Variants in ATRNL1 observed in about 807,000 individuals in gnomAD.
ATRNL1 encodes the protein attractin-like protein 1.
In ATRNL1, 95 loss-of-function variants were observed where a neutral mutation model predicts 182.7. The observed-to-expected ratio is 0.52, with a 90% CI of 0.44 to 0.62. The LOEUF (loss-of-function observed/expected upper bound fraction) is 0.62, where lower values mean the gene tolerates loss of function less well. Among genes scored for constraint, ATRNL1 ranks in the 20% least tolerant of loss-of-function variants. ATRNL1 has a pLI of 0.00. For missense variants in ATRNL1, 1,471 were observed against 1,679.5 expected (o/e 0.88, Z 2.17); for synonymous variants, 576 against 568.3 (o/e 1.01, Z -0.19).
chr10:115,637,167 C>G (rs55893753), intron 26 of ATRNL1, among the ~76,000 whole-genome samples: 3,414 of 152,258 alleles, frequency 0.022, 118 homozygotes, highest in African/African-American at 0.078. Context: ...TGAAAATTAA[C>G]TGACCATATC....
chr10:115,883,305 A>G (rs1362127389), intron 28 of ATRNL1, among the ~76,000 whole-genome samples: 2 of 152,290 alleles, frequency 1.3e-5, no homozygotes, highest in Admixed American at 1.3e-4. Flanking sequence ...ACTCTCTTCT[A>G]TTAGGAAAAC....
intron 26 of ATRNL1, among the ~76,000 whole-genome samples, chr10:115,627,083 C>T (rs1321512963): frequency 3.9e-5 from 6 of 152,056 alleles, no homozygotes; most frequent in Non-Finnish European, 7.4e-5. Context: ...TTAAACAGCC[C>T]GGTGTCACTT....
At chr10:115,910,958 A>G (rs1952657444) in intron 28 of ATRNL1, among the ~76,000 whole-genome samples, 3 of 152,112 alleles carry the variant, frequency 2.0e-5, no homozygotes, top group African/African-American at 7.2e-5. Flanking sequence ...ATCTCAGTGG[A>G]TCTTGGCAAC....
chr10:115,288,387 A>AT (rs1852730044), intron 15 of ATRNL1, among the ~76,000 whole-genome samples: 1 of 151,720 alleles, frequency 6.6e-6, no homozygotes, highest in African/African-American at 2.4e-5. Context: ...CCTCACCAGT[A>AT]TTTTTTGACT....
At chr10:115,621,865 T>A (rs1291822459) in intron 26 of ATRNL1, among the ~76,000 whole-genome samples, 1 of 152,174 alleles carries the variant, frequency 6.6e-6, no homozygotes, top group Non-Finnish European at 1.5e-5. Context: ...AAAAGTCTTT[T>A]GTCTTCATAA....
At chr10:115,553,243 T>G (rs782342228) in intron 26 of ATRNL1, among the ~76,000 whole-genome samples, 3 of 151,288 alleles carry the variant, frequency 2.0e-5, no homozygotes, top group Non-Finnish European at 4.5e-5. Flanking sequence ...TGTTTAAATG[T>G]AGCATGTCTC....
intron 27 of ATRNL1, among the ~76,000 whole-genome samples, chr10:115,780,787 G>T (rs190316952): frequency 3.3e-5 from 5 of 152,132 alleles, no homozygotes; most frequent in Non-Finnish European, 5.9e-5. Context: ...GCGTCTTTGG[G>T]CCCTTAAAAA....
At chr10:115,848,047 G>A in intron 28 of ATRNL1, 56 bp downstream of exon 28, 1 of 948,620 alleles carries the variant, frequency 1.1e-6, no homozygotes, top group Non-Finnish European at 1.7e-6. Context: ...CTGAACAGAA[G>A]AAATAAACAA....
At chr10:115,138,020 A>C (rs1043325022) in intron 5 of ATRNL1, among the ~76,000 whole-genome samples, 2 of 152,232 alleles carry the variant, frequency 1.3e-5, no homozygotes, top group African/African-American at 4.8e-5. Context: ...TGGCAAAGCA[A>C]AGGGGCCACA....
intron 27 of ATRNL1, among the ~76,000 whole-genome samples, chr10:115,815,702 G>A (rs1280495465): frequency 6.6e-6 from 1 of 151,976 alleles, no homozygotes; most frequent in Non-Finnish European, 1.5e-5. Flanking sequence ...TGTAACAAAA[G>A]TATATGTATC....
chr10:115,691,447 C>T (rs182325779), intron 26 of ATRNL1, among the ~76,000 whole-genome samples: 9 of 152,258 alleles, frequency 5.9e-5, no homozygotes, highest in East Asian at 1.9e-4. Context: ...TCAGGCCAGG[C>T]GTGATGGCTC....
chr10:115,532,170 T>G (rs1285565935), intron 25 of ATRNL1, among the ~76,000 whole-genome samples: 2 of 152,098 alleles, frequency 1.3e-5, no homozygotes, highest in African/African-American at 4.8e-5. Flanking sequence ...GTGAAGAAAG[T>G]CATTGGTAGC....
Position 115,628,891 on chromosome 10 carries a change from A to AT in ATRNL1, c.3795+79362dup, listed in dbSNP as rs565958887. Among the ~76,000 whole-genome samples the AT allele has an allele frequency of 6.0e-4, 91 of 152,178 alleles. 1 individual carries two copies. The East Asian group carries it at 0.014, about 24-fold the overall frequency. On this transcript the variant is annotated intron_variant, in intron 26 of 28. Transcript: ENST00000355044. The stretch of plus-strand genomic sequence containing the variant: ...TAATATATCCAGTTGTCCCAGTCCA[A>AT]TTTTTTTGAAGAGTCTATTCTTTCC...
intron 13 of ATRNL1, among the ~76,000 whole-genome samples, chr10:115,270,409 AATATAAT>A (rs1431037389): frequency 7.0e-6 from 1 of 142,870 alleles, no homozygotes; most frequent in Non-Finnish European, 1.5e-5. Context: ...ATTATATATA[AATATAAT>A]ATATATTTGT....
chr10:115,243,114 ATTG>A (rs1308861491), intron 10 of ATRNL1, among the ~76,000 whole-genome samples: 29 of 152,028 alleles, frequency 1.9e-4, no homozygotes, highest in African/African-American at 6.3e-4. Context: ...AAAAGTATAC[ATTG>A]TTGTTGTCAT....
intron 8 of ATRNL1, among the ~76,000 whole-genome samples, chr10:115,207,869 C>T (rs1482418261): frequency 6.6e-6 from 1 of 151,890 alleles, no homozygotes; most frequent in Non-Finnish European, 1.5e-5. Context: ...TATTTTGTTG[C>T]ATTTCTCAGT....
intron 27 of ATRNL1, among the ~76,000 whole-genome samples, chr10:115,768,310 C>G (rs1242297662): frequency 2.6e-5 from 4 of 152,058 alleles, no homozygotes; most frequent in African/African-American, 9.7e-5. Context: ...ACTATATAGT[C>G]TCTCTGCTGT....
At chr10:115,746,626 T>G (rs1234669933) in intron 27 of ATRNL1, among the ~76,000 whole-genome samples, 1 of 152,072 alleles carries the variant, frequency 6.6e-6, no homozygotes, top group Non-Finnish European at 1.5e-5. Flanking sequence ...TTGACTATAA[T>G]CCTAGGAGTA....
chr10:115,818,649 T>C (rs1358569492), intron 27 of ATRNL1, among the ~76,000 whole-genome samples: 2 of 152,132 alleles, frequency 1.3e-5, no homozygotes, highest in Non-Finnish European at 2.9e-5. Context: ...AAGCCAGTGA[T>C]ATTTATTATG....
Sources: allele counts gnomAD v4.1 joint callset (sites outside exome capture counted in the v4.1 genomes callset), GRCh38; gene constraint gnomAD v4.1.1; transcripts MANE v1.5; gene names NCBI Gene and HGNC (gene_info 2026-07-23, HGNC 2026-07-21).